Variants in TMEM232 observed in about 807,000 individuals in gnomAD.
TMEM232 encodes the protein transmembrane protein 232.
Under a neutral mutation model 78.8 loss-of-function variants are expected in TMEM232, and 80 were observed. The observed-to-expected ratio is 1.01, with a 90% CI of 0.85 to 1.22. The LOEUF (loss-of-function observed/expected upper bound fraction) is 1.22, where lower values mean the gene tolerates loss of function less well. Among genes scored for constraint, TMEM232 ranks in the 50% most tolerant of loss-of-function variants. The probability of loss-of-function intolerance (pLI) is 0.00; values close to 1 mark genes in which losing one functional copy is unlikely to be tolerated. For synonymous variants in TMEM232, 297 were observed against 254.3 expected (o/e 1.17, Z -1.60); for missense variants, 881 against 742.2 (o/e 1.19, Z -2.17).
intron 12 of TMEM232, among the ~76,000 whole-genome samples, chr5:110,508,487 A>G (rs1040790382): frequency 5.3e-5 from 8 of 151,508 alleles, no homozygotes. Context: ...CATAAATGTC[A>G]CACAATTTTT....
intron 10 of TMEM232, among the ~76,000 whole-genome samples, chr5:110,594,386 G>C (rs895741369): frequency 2.0e-5 from 3 of 152,040 alleles, no homozygotes; most frequent in Admixed American, 2.0e-4. Context: ...TGGCTCTTTG[G>C]GCAGACACTG....
At chr5:110,427,417 T>C (rs988995741) in intron 12 of TMEM232, among the ~76,000 whole-genome samples, 3 of 152,052 alleles carry the variant, frequency 2.0e-5, no homozygotes, top group Admixed American at 6.6e-5. Context: ...GTATTATCAA[T>C]TGTAAGAAAA....
rs563192168 is a variant in TMEM232, at chr5:110,481,750, T to C, written c.1703+46838A>G. Reference sequence around the variant, plus strand: ...AAGAGTAGACTTTGAAGCAAACATTTGGGTGACTCGTTGGTCTTTTACATC... The same window carrying C: ...AAGAGTAGACTTTGAAGCAAACATTCGGGTGACTCGTTGGTCTTTTACATC... On this transcript the variant is annotated intron_variant, in intron 12 of 13. Coordinates refer to ENST00000455884, the MANE Select transcript of TMEM232 (RefSeq NM_001039763.4). Among the ~76,000 whole-genome samples, 6 of 152,276 alleles carry C rather than the reference T, an allele frequency of 3.9e-5. No homozygotes were observed. In the East Asian group the frequency reaches 9.6e-4, roughly 24 times the overall value.
At chr5:110,605,956 C>G (rs1272716938) in intron 9 of TMEM232, among the ~76,000 whole-genome samples, 1 of 151,838 alleles carries the variant, frequency 6.6e-6, no homozygotes, top group African/African-American at 2.4e-5. Context: ...CTTACCCCAA[C>G]CAAAATATAA....
At chr5:110,511,286 G>A (rs1179952591) in intron 12 of TMEM232, among the ~76,000 whole-genome samples, 1 of 152,042 alleles carries the variant, frequency 6.6e-6, no homozygotes, top group Non-Finnish European at 1.5e-5. Flanking sequence ...ACACACCAGG[G>A]CCTGGTGGGG....
chr5:110,673,321 G>A (rs901851136), intron 1 of TMEM232, among the ~76,000 whole-genome samples: 2 of 150,764 alleles, frequency 1.3e-5, no homozygotes, highest in Non-Finnish European at 2.9e-5. Flanking sequence ...CGGGAGGGGG[G>A]AGGGATAGTA....
At chr5:110,597,786 G>A (rs975890914) in intron 10 of TMEM232, among the ~76,000 whole-genome samples, 4 of 152,020 alleles carry the variant, frequency 2.6e-5, no homozygotes, top group African/African-American at 9.7e-5. Flanking sequence ...TTTAATAAAT[G>A]GTGCTGGGAA....
At chr5:110,666,592 T>A (rs1165565724) in intron 2 of TMEM232, 14 of 152,138 alleles carry the variant, frequency 9.2e-5, no homozygotes. Context: ...GGTTTACTTA[T>A]TTCTTCAGCA....
chr5:110,427,408 T>C (rs1187160631), intron 12 of TMEM232, among the ~76,000 whole-genome samples: 1 of 151,994 alleles, frequency 6.6e-6, no homozygotes, highest in African/African-American at 2.4e-5. Flanking sequence ...TGTTTAGCTG[T>C]ATTATCAATT....
At chr5:110,640,819 G>A in intron 4 of TMEM232, 72 bp downstream of exon 4, 1 of 1,080,190 alleles carries the variant, frequency 9.3e-7, no homozygotes, top group Non-Finnish European at 1.2e-6. Context: ...AAAAATTAAA[G>A]TTCTCAAATT....
At position 110,420,280 on chromosome 5, in the gene TMEM232, C is replaced by T. The variant is rs934748716; in HGVS notation, c.*300G>A. 4 of 200,564 alleles carry T rather than the reference C, an allele frequency of 2.0e-5. No individual in the cohort carries two copies. Among genetic ancestry groups the T allele is most frequent in the Non-Finnish European group, 3.0e-5 (3 of 101,150 alleles). 12.4% of individuals were successfully genotyped at this position (200,564 alleles called of 1,614,324 possible). On this transcript the variant is annotated 3_prime_UTR_variant, in exon 14 of 14. Coordinates refer to ENST00000455884, the MANE Select transcript of TMEM232 (RefSeq NM_001039763.4). The stretch of plus-strand genomic sequence containing the variant: ...TATCAATGTTCTGAGAATCAGTTAT[C>T]AAGTATGCTGTACAATCATGAGATA...
At chr5:110,469,912 TAA>T (rs955874479) in intron 12 of TMEM232, among the ~76,000 whole-genome samples, 1 of 152,134 alleles carries the variant, frequency 6.6e-6, no homozygotes, top group African/African-American at 2.4e-5. Flanking sequence ...AATAGTCCCC[TAA>T]AATTTGAGCT....
At chr5:110,717,728 G>C (rs907091999) in intron 1 of TMEM232, among the ~76,000 whole-genome samples, 3 of 152,062 alleles carry the variant, frequency 2.0e-5, no homozygotes, top group African/African-American at 7.2e-5. Context: ...ATGATAATGA[G>C]GGAGTTATCA....
intron 12 of TMEM232, among the ~76,000 whole-genome samples, chr5:110,431,320 C>G (rs1210725699): frequency 6.6e-6 from 1 of 151,544 alleles, no homozygotes; most frequent in Admixed American, 6.6e-5. Flanking sequence ...ACCTCAGGCT[C>G]TCCATTGGGA....
At chr5:110,637,110 C>T (rs912273674) in intron 5 of TMEM232, among the ~76,000 whole-genome samples, 2 of 149,952 alleles carry the variant, frequency 1.3e-5, no homozygotes, top group African/African-American at 4.9e-5. Flanking sequence ...TGTATATTTA[C>T]ATTTTATTTT....
chr5:110,569,352 T>C (rs1462734104), intron 10 of TMEM232, among the ~76,000 whole-genome samples: 1 of 151,880 alleles, frequency 6.6e-6, no homozygotes, highest in Non-Finnish European at 1.5e-5. Context: ...TACCTAGATA[T>C]TGTATATTGC....
chr5:110,490,685 A>G (rs963161921), intron 12 of TMEM232, among the ~76,000 whole-genome samples: 1 of 152,150 alleles, frequency 6.6e-6, no homozygotes, highest in African/African-American at 2.4e-5. Context: ...CCATCCATTT[A>G]TGAGCAATTG....
At position 110,400,592 on chromosome 5, in the gene TMEM232, C is replaced by G. The variant is rs1209436277; in HGVS notation, n.309-2738G>C. ...CAGTGTCTCAGTGGGCAGGGAAAGT[C>G]AAGTTTATAAATGCCTTTATTTCCA... On this transcript the variant is annotated intron_variant and non_coding_transcript_variant, in intron 2 of 8. Coordinates refer to the TMEM232 transcript ENST00000507188. Among the ~76,000 whole-genome samples, 7 of 151,850 alleles carry G rather than the reference C, an allele frequency of 4.6e-5. No individual in the cohort carries two copies. In the South Asian group the frequency reaches 8.4e-4, roughly 18 times the overall value.
At chr5:110,692,884 CACAG>C (rs1247453320) in intron 1 of TMEM232, among the ~76,000 whole-genome samples, 1 of 152,186 alleles carries the variant, frequency 6.6e-6, no homozygotes, top group Non-Finnish European at 1.5e-5. Context: ...AGGGGCAGGG[CACAG>C]ACAAAGAAAA....
Sources: allele counts gnomAD v4.1 joint callset (sites outside exome capture counted in the v4.1 genomes callset), GRCh38; gene constraint gnomAD v4.1.1; transcripts MANE v1.5; gene names NCBI Gene and HGNC (gene_info 2026-07-23, HGNC 2026-07-21).